Variants in STKLD1 observed in about 807,000 individuals in gnomAD.
STKLD1 encodes serine/threonine kinase-like domain-containing protein STKLD1.
STKLD1 carries 79 observed loss-of-function variants against 80.4 expected under a neutral mutation model. The ratio of observed to expected loss-of-function variants is 0.98; its 90% CI spans 0.82 to 1.19. STKLD1 has a LOEUF of 1.19. Ranked by LOEUF, STKLD1 falls within the 50% of genes most tolerant of loss-of-function variation. The pLI is 0.00. For missense variants in STKLD1, 841 were observed against 856.0 expected (o/e 0.98, Z 0.22); for synonymous variants, 393 against 357.6 (o/e 1.10, Z -1.12).
In STKLD1 at chr9:133,376,490, C is replaced by G. The variant is rs2130248480; in HGVS notation, c.17C>G (p.Ser6Cys). MLGPGSNRRRPTQGER... is the reference protein window; with the variant it reads MLGPGCNRRRPTQGER... Reference sequence around the variant, plus strand: ...CTACTGATCATGCTTGGGCCAGGGTCCAATCGCAGGCGCCCCACGCAGGGG... The same window carrying G: ...CTACTGATCATGCTTGGGCCAGGGTGCAATCGCAGGCGCCCCACGCAGGGG... The change falls in exon 1 of 18, where the codon TCC becomes TGC. Residue 6 changes from serine (S) to cysteine (C), a missense_variant. Ser to Cys is a moderately radical substitution (Grantham distance 112, BLOSUM62 -1). Transcript: ENST00000371957. 17 of 1,594,706 alleles carry G rather than the reference C, an allele frequency of 1.1e-5. No individual in the cohort carries two copies. The highest frequency in any genetic ancestry group is 1.4e-5 in the Non-Finnish European group (17 of 1,172,514).
Position 133,377,004 on chromosome 9 carries a change from GT to G in STKLD1, c.87+447del, listed in dbSNP as rs2130252540. On this transcript the variant is annotated intron_variant, in intron 1 of 17. Transcript: ENST00000371957. ...GGAAAGCTGCAAAATAAAAGTAAAT[GT>G]TTAATTAAATGCTTCTATACATGAT... 3.4e-4 allele frequency among the ~76,000 whole-genome samples: 52 copies of G among 152,296 alleles called. No individual in the cohort carries two copies. In the East Asian group the frequency reaches 8.3e-3, roughly 24 times the overall value.
chr9:133,401,727 G>A lies in STKLD1; in HGVS notation c.1199-11G>A. 6.2e-7 allele frequency: 1 copy of A among 1,609,740 alleles called. No individual in the cohort carries two copies. ...GGGCTAACCCCAGGCGTCTTCCTCT[G>A]GCTTGAGCAGCGCTGGTGCACCACC... On this transcript the variant is annotated splice_polypyrimidine_tract_variant and intron_variant, in intron 12 of 17. Transcript: ENST00000371957.
chr9:133,399,219 G>A (rs1554777166), intron 11 of STKLD1, among the ~76,000 whole-genome samples: 1 of 152,080 alleles, frequency 6.6e-6, no homozygotes, highest in African/African-American at 2.4e-5. Flanking sequence ...TTTTTCACCT[G>A]CCTGAACATT....
chr9:133,393,608 GGTGA>G (rs922390835), intron 7 of STKLD1, among the ~76,000 whole-genome samples: 12 of 137,268 alleles, frequency 8.7e-5, no homozygotes, highest in African/African-American at 1.4e-4. Context: ...TGAGTGAATG[GGTGA>G]GTGAGTGAAT....
intron 7 of STKLD1, among the ~76,000 whole-genome samples, chr9:133,393,670 T>TGGAC (rs1307148311): frequency 3.0e-4 from 45 of 149,010 alleles, no homozygotes; most frequent in Non-Finnish European, 5.1e-4. Context: ...GATGGATGGA[T>TGGAC]GGATGGGGTG....
chr9:133,376,616 C>G, intron 1 of STKLD1, 56 bp downstream of exon 1: 22 of 1,451,440 alleles, frequency 1.5e-5, no homozygotes, highest in Non-Finnish European at 2.0e-5. Flanking sequence ...GGTCGCAACC[C>G]TGGAGCTACG....
At chr9:133,398,648 A>C (rs1838621072) in intron 11 of STKLD1, among the ~76,000 whole-genome samples, 2 of 152,078 alleles carry the variant, frequency 1.3e-5, no homozygotes, top group Admixed American at 1.3e-4. Flanking sequence ...GTGTGGTGAC[A>C]CATGTCTGTT....
intron 17 of STKLD1, 85 bp from the exon 18 acceptor site, chr9:133,405,167 T>C: frequency 6.7e-7 from 1 of 1,482,402 alleles, no homozygotes; most frequent in Non-Finnish European, 9.0e-7. Context: ...CAAGGGGGAA[T>C]GTGACCCACT....
Position 133,390,613 on chromosome 9 carries a change from G to T in STKLD1, c.468-68G>T. ...TCAGCACACACACTGGTCCCACCTG[G>T]GGTTGTGGGTGGTGGCTGCCCAGGT... is the stretch of plus-strand genomic sequence containing the variant. On this transcript the variant is annotated intron_variant, in intron 6 of 17. Coordinates refer to ENST00000371957, the MANE Select transcript of STKLD1 (RefSeq NM_153710.5). This position sits in a 1 kb window ranked among gnomAD's most constrained non-coding sequence, Gnocchi z 5.1. 8.7e-7 allele frequency: 1 copy of T among 1,155,578 alleles called. No homozygotes were observed. The allele number at this position is 1,155,578 out of a possible 1,614,324, so 71.6% of individuals were successfully genotyped here.
chr9:133,379,854 C>G lies in STKLD1; in HGVS notation c.174+732C>G, dbSNP rs2130261999. ...AGGGCTGGCCATACAGCGGGAGGAG[C>G]CTTGTCAGCAGCTGCTACTGGGCCA... On this transcript the variant is annotated intron_variant, in intron 2 of 17. Transcript: ENST00000371957. Among the ~76,000 whole-genome samples, 6 of 152,308 alleles carry G rather than the reference C, an allele frequency of 3.9e-5. No homozygotes were observed. In the East Asian group the frequency reaches 9.6e-4, roughly 24 times the overall value.
chr9:133,386,376 A>G (rs1013828811), intron 4 of STKLD1, among the ~76,000 whole-genome samples: 5 of 152,356 alleles, frequency 3.3e-5, no homozygotes, highest in East Asian at 3.9e-4. Flanking sequence ...TGTCCTGGTG[A>G]GCCTGTGCCT....
intron 2 of STKLD1, among the ~76,000 whole-genome samples, chr9:133,382,860 G>GGTC (rs1838172714): frequency 4.5e-4 from 66 of 147,320 alleles, no homozygotes; most frequent in Admixed American, 2.7e-4. Flanking sequence ...TGATGATGGT[G>GGTC]GTGGTGTGAT....
chr9:133,394,071 G>C lies in STKLD1; in HGVS notation c.584-220G>C. 3.6e-6 allele frequency: 2 copies of C among 562,974 alleles called. No homozygotes were observed. Among genetic ancestry groups the C allele is most frequent in the Non-Finnish European group, 6.4e-6 (2 of 312,444 alleles). The allele number at this position is 562,974 out of a possible 1,614,324, so 34.9% of individuals were successfully genotyped here. A position where few individuals can be genotyped will look rare whatever the true frequency, so the allele number is the denominator to read the frequency against. On this transcript the variant is annotated intron_variant, in intron 7 of 17. Coordinates refer to ENST00000371957, the MANE Select transcript of STKLD1 (RefSeq NM_153710.5). The surrounding 1 kb of genome is among the most constrained non-coding windows in gnomAD (Gnocchi z 4.9). ...GCACCCACCAAGATGGACAGCTTCA[G>C]TGGCTCCAGATCAACACAAAGCTCC... is the stretch of plus-strand genomic sequence containing the variant.
At chr9:133,403,562 T>C in intron 14 of STKLD1, 138 bp from the exon 15 acceptor site, 2 of 1,119,786 alleles carry the variant, frequency 1.8e-6, no homozygotes, top group East Asian at 5.2e-5. Context: ...TGCACCCGTC[T>C]CTGAGGACAG....
Position 133,400,506 on chromosome 9 carries a change from T to G in STKLD1, c.1175T>G (p.Leu392Arg), listed in dbSNP as rs1554777445. The part of the protein sequence containing the change: ...VLDVQLCACS[L>R]LLHLLGQALV... ...GATGTCCAGCTGTGTGCCTGCTCCCTGCTGCTGCACCTCCTGGGCCAAGGT... is the reference window on the plus strand; with the variant it reads ...GATGTCCAGCTGTGTGCCTGCTCCCGGCTGCTGCACCTCCTGGGCCAAGGT... The change falls in exon 12 of 18, where the codon CTG (leucine) becomes CGG (arginine). Residue 392 changes from leucine (L) to arginine (R), a missense_variant. By Grantham distance (102) the Leu-to-Arg change is moderately radical (BLOSUM62 -2). Transcript: ENST00000371957. The G allele has an allele frequency of 1.2e-6, 2 of 1,612,984 alleles. No individual in the cohort carries two copies. The highest frequency in any genetic ancestry group is 4.5e-5 in the East Asian group (2 of 44,880).
In STKLD1 at chr9:133,394,384, A is replaced by AC. The variant is rs1838503594; in HGVS notation, c.678dup (p.Met227HisfsTer154). 1 of 1,613,616 alleles carries AC rather than the reference A, an allele frequency of 6.2e-7. No individual in the cohort carries two copies. Among genetic ancestry groups the AC allele is most frequent in the African/African-American group, 1.3e-5 (1 of 75,012 alleles). The stretch of plus-strand genomic sequence containing the variant: ...TGGTCCCTGGGCTGCATCATTCTGG[A>AC]CATGACCAGCTGCTCCTTCATGGAT... On this transcript the variant is annotated frameshift_variant, in exon 8 of 18. Coordinates refer to ENST00000371957, the MANE Select transcript of STKLD1 (RefSeq NM_153710.5). LOFTEE classifies it high-confidence loss of function. The surrounding 1 kb of genome is among the most constrained non-coding windows in gnomAD (Gnocchi z 4.9).
chr9:133,393,419 G>T (rs1554776213), intron 7 of STKLD1, among the ~76,000 whole-genome samples: 1 of 147,274 alleles, frequency 6.8e-6, no homozygotes, highest in African/African-American at 2.5e-5. Flanking sequence ...TGGTTAGAGG[G>T]ATGGGTGTGT....
At chr9:133,404,241 CTT>C (rs587729929) in intron 16 of STKLD1, among the ~76,000 whole-genome samples, 193 bp downstream of exon 16, 28 of 152,358 alleles carry the variant, frequency 1.8e-4, no homozygotes, top group Admixed American at 1.4e-3. Context: ...TTGATAAACT[CTT>C]GTCTCTGCGT....
intron 7 of STKLD1, among the ~76,000 whole-genome samples, chr9:133,393,150 A>T (rs1352233610): frequency 2.1e-5 from 2 of 96,826 alleles, no homozygotes; most frequent in East Asian, 7.2e-4. Flanking sequence ...TGAATGAGTG[A>T]ATGAGTGGGT....
Sources: allele counts gnomAD v4.1 joint callset (sites outside exome capture counted in the v4.1 genomes callset), GRCh38; gene constraint gnomAD v4.1.1; non-coding constraint Gnocchi (gnomAD v3.1); transcripts MANE v1.5; gene names NCBI Gene and HGNC (gene_info 2026-07-23, HGNC 2026-07-21).